Variants in YME1L1 observed in about 807,000 individuals in gnomAD.
YME1L1 encodes YME1 like 1 ATPase.
In YME1L1, 39 loss-of-function variants were observed where a neutral mutation model predicts 90.4. That is an observed-to-expected ratio of 0.43 (90% CI 0.33 to 0.56). The LOEUF (loss-of-function observed/expected upper bound fraction) is 0.56. Among genes scored for constraint, YME1L1 ranks in the 20% least tolerant of loss-of-function variants. The pLI, the probability that YME1L1 is intolerant of heterozygous loss-of-function variation, is 0.03. For missense variants in YME1L1, 617 were observed against 868.4 expected (o/e 0.71, Z 3.64); for synonymous variants, 284 against 287.3 (o/e 0.99, Z 0.12).
chr10:27,126,775 A>G lies in YME1L1; in HGVS notation c.870T>C (p.Ala290=), dbSNP rs779658355. 3.8e-6 allele frequency: 6 copies of G among 1,586,242 alleles called. 1 individual carries two copies. The South Asian group carries it at 7.1e-5, about 19-fold the overall frequency. The change falls in exon 9 of 19, where the codon GCT becomes GCC. Residue 290 remains alanine (A), a synonymous_variant. Coordinates refer to ENST00000376016, the MANE Select transcript of YME1L1 (RefSeq NM_014263.4). ...TFEHVKGVEE[A]KQELQEVVEF... ...CAACAACTTCCTGTAATTCTTGTTT[A>G]GCTTCCTCCACCTAAAGTGACACAA...
rs528414852 is a variant in YME1L1 at position 27,135,821 on chromosome 10, G to A, written c.540+455C>T. On this transcript the variant is annotated intron_variant, in intron 5 of 18. Coordinates refer to ENST00000376016, the MANE Select transcript of YME1L1 (RefSeq NM_014263.4). ...TGGCAGTCTGGAGGCTGGACTGAACGCAGCAAGACTAGAGGCAAGGAGACT... is the reference window on the plus strand; with the variant it reads ...TGGCAGTCTGGAGGCTGGACTGAACACAGCAAGACTAGAGGCAAGGAGACT... 4.6e-5 allele frequency among the ~76,000 whole-genome samples: 7 copies of A among 152,262 alleles called. No individual in the cohort carries two copies. The South Asian group carries it at 6.2e-4, about 14-fold the overall frequency.
chr10:27,145,537 A>G lies in YME1L1; in HGVS notation c.222T>C (p.Ile74=). 1 of 1,613,656 alleles carries G rather than the reference A, an allele frequency of 6.2e-7. No individual in the cohort carries two copies. The highest frequency in any genetic ancestry group is 1.1e-5 in the South Asian group (1 of 91,050). The part of the protein sequence containing the change: ...LGLSELKIGQ[I]DQLVENLLPG... Reference sequence around the variant, plus strand: ...GAAGTAGATTTTCTACCAGCTGATCAATCTGTCCAATTTTTAGTTCAGATA... The same window carrying G: ...GAAGTAGATTTTCTACCAGCTGATCGATCTGTCCAATTTTTAGTTCAGATA... Residue 74 remains isoleucine (I), a synonymous_variant, in exon 3 of 19, where the codon ATT becomes ATC. Transcript: ENST00000376016.
chr10:27,127,443 C>T (rs902535998), intron 8 of YME1L1, among the ~76,000 whole-genome samples: 4 of 152,048 alleles, frequency 2.6e-5, no homozygotes, highest in Admixed American at 6.5e-5. Flanking sequence ...TAAAAATAGT[C>T]ACACCAGCTG....
rs1564472408 is a variant in YME1L1, at chr10:27,153,196, TAAGAG to T, written c.33+977_33+981del. On this transcript the variant is annotated intron_variant, in intron 1 of 18. Coordinates refer to ENST00000376016, the MANE Select transcript of YME1L1 (RefSeq NM_014263.4). ...ACTCATATTTACTTCATATCAATAT[TAAGAG>T]AAGATTCCACATTTGCTTTGCTCAC... 6.4e-6 allele frequency: 3 copies of T among 470,918 alleles called. No homozygotes were observed. The Admixed American group carries it at 7.0e-5, about 11-fold the overall frequency. The allele number at this position is 470,918 out of a possible 1,614,324, so 29.2% of individuals were successfully genotyped here. A position where few individuals can be genotyped will look rare whatever the true frequency, so the allele number is the denominator to read the frequency against.
intron 6 of YME1L1, 80 bp from the exon 7 acceptor site, chr10:27,134,202 T>C: frequency 3.7e-6 from 4 of 1,075,356 alleles, no homozygotes; most frequent in Non-Finnish European, 5.5e-6. Flanking sequence ...TATTAGGTTA[T>C]TGTTAATAAT....
intron 3 of YME1L1, 75 bp from the exon 4 acceptor site, chr10:27,142,560 T>C (rs1459912661): frequency 1.3e-5 from 8 of 618,404 alleles, no homozygotes; most frequent in Non-Finnish European, 2.1e-5. Flanking sequence ...ATATAAATAA[T>C]TCTATCAAAT....
chr10:27,116,464 C>A, intron 15 of YME1L1, 119 bp from the exon 16 acceptor site: 3 of 1,044,948 alleles, frequency 2.9e-6, no homozygotes, highest in Non-Finnish European at 1.4e-6. Context: ...GTTGGGAGTT[C>A]GAGACCAGCC....
intron 4 of YME1L1, among the ~76,000 whole-genome samples, chr10:27,137,599 C>T (rs896926065): frequency 4.6e-5 from 7 of 151,994 alleles, no homozygotes; most frequent in Non-Finnish European, 7.4e-5. Context: ...ATATCCTTGC[C>T]GACACTAAAT....
intron 14 of YME1L1, among the ~76,000 whole-genome samples, chr10:27,118,152 T>C (rs1324685789): frequency 6.6e-6 from 1 of 152,156 alleles, no homozygotes; most frequent in African/African-American, 2.4e-5. Context: ...AACAAAAAAC[T>C]CATTCTCCTT....
chr10:27,131,796 G>C, intron 8 of YME1L1, 63 bp downstream of exon 8: 1 of 1,214,912 alleles, frequency 8.2e-7, no homozygotes, highest in South Asian at 1.4e-5. Flanking sequence ...ATCAAATATC[G>C]ACCTCATATA....
At chr10:27,152,339 C>G (rs1185410731) in intron 1 of YME1L1, among the ~76,000 whole-genome samples, 2 of 152,048 alleles carry the variant, frequency 1.3e-5, no homozygotes, top group East Asian at 1.9e-4. Flanking sequence ...TCCTTTTTAC[C>G]ATTTAATTTC....
intron 3 of YME1L1, 127 bp downstream of exon 3, chr10:27,145,300 AC>A (rs2057131789): frequency 1.5e-4 from 105 of 694,832 alleles, no homozygotes; most frequent in East Asian, 4.5e-4. Context: ...AAAAAAAAAA[AC>A]AAAAAAAAAA....
chr10:27,134,140 A>C lies in YME1L1; in HGVS notation c.692-18T>G. 1 of 1,568,180 alleles carries C rather than the reference A, an allele frequency of 6.4e-7. No homozygotes were observed. The highest frequency in any genetic ancestry group is 8.7e-7 in the Non-Finnish European group (1 of 1,146,682). On this transcript the variant is annotated intron_variant, in intron 6 of 18. Coordinates refer to ENST00000376016, the MANE Select transcript of YME1L1 (RefSeq NM_014263.4). ...TAGGGAATCTAGGAGAGAAAGAAAA[A>C]GCTTTACATGAAATCACATTTATGA...
Position 27,142,404 on chromosome 10 carries a change from T to C in YME1L1, c.413A>G (p.Asp138Gly), listed in dbSNP as rs1319766814. The C allele has an allele frequency of 3.3e-6, 5 of 1,507,644 alleles. No homozygotes were observed. Among genetic ancestry groups the C allele is most frequent in the African/African-American group, 1.4e-5 (1 of 70,292 alleles). 93.4% of individuals were successfully genotyped at this position (1,507,644 alleles called of 1,614,324 possible). A position where few individuals can be genotyped will look rare whatever the true frequency, so the allele number is the denominator to read the frequency against. ...HSRALQSICS[D>G]LQYWPVFIQS... ...CTTCATACCTGGCCAGTACTGAAGA[T>C]CTGAACAAATGCTTTGAAGAGCTCT... Residue 138 changes from aspartate to glycine, a missense_variant, in exon 4 of 19, where the codon GAT becomes GGT. By Grantham distance (94) the Asp-to-Gly change is moderately conservative (BLOSUM62 -1). Around this residue, in one of 4 missense-constraint regions of YME1L1, gnomAD observed 311 missense variants for 335.8 expected, o/e 0.93. Transcript: ENST00000376016.
At chr10:27,138,435 G>T (rs544791343) in intron 4 of YME1L1, among the ~76,000 whole-genome samples, 268 of 152,174 alleles carry the variant, frequency 1.8e-3, no homozygotes, top group African/African-American at 6.3e-3. Flanking sequence ...GTAATACCTA[G>T]TTCTTCCAAA....
rs2056812608 is a variant in YME1L1, at chr10:27,116,337, C to T, written c.1728G>A (p.Leu576=). The T allele has an allele frequency of 1.9e-6, 3 of 1,614,010 alleles. No homozygotes were observed. Among genetic ancestry groups the T allele is most frequent in the Non-Finnish European group, 2.5e-6 (3 of 1,179,998 alleles). ...PRGPTLGHVS[L]LPENDRWNET... The stretch of plus-strand genomic sequence containing the variant: ...CATTCCATCTGTCATTCTCAGGTAA[C>T]AGGGACACCTAGACAATTAAAAATT... The change falls in exon 16 of 19, where the codon CTG becomes CTA. Residue 576 remains leucine, a synonymous_variant. Coordinates refer to ENST00000376016, the MANE Select transcript of YME1L1 (RefSeq NM_014263.4).
At chr10:27,135,043 T>C (rs1449330105) in intron 5 of YME1L1, 62 bp from the exon 6 acceptor site, 2 of 1,483,350 alleles carry the variant, frequency 1.3e-6, no homozygotes, top group Admixed American at 4.2e-5. Context: ...CCAACAATAT[T>C]GTGACCACTC....
chr10:27,139,698 G>A (rs1588608226), intron 4 of YME1L1, among the ~76,000 whole-genome samples: 1 of 152,172 alleles, frequency 6.6e-6, no homozygotes, highest in East Asian at 1.9e-4. Flanking sequence ...GGTTAACTTT[G>A]TTAATTAATT....
rs780243843 is a variant in YME1L1 at position 27,134,920 on chromosome 10, T to C, written c.602A>G (p.Lys201Arg). ...ATCTTGGTGAGCTTCAGGTATATTT[T>C]TGGTTTTCATGAGTTTGTCCAAACT... ...VESLDKLMKT[K>R]NIPEAHQDAF... The change falls in exon 6 of 19, where the codon AAA becomes AGA. Residue 201 changes from lysine (K) to arginine (R), a missense_variant. This residue lies in a region of YME1L1 where 311 missense variants were observed against 335.8 expected (regional missense o/e 0.93). Coordinates refer to ENST00000376016, the MANE Select transcript of YME1L1 (RefSeq NM_014263.4). The C allele has an allele frequency of 1.2e-6, 2 of 1,613,868 alleles. No individual in the cohort carries two copies. The highest frequency in any genetic ancestry group is 2.2e-5 in the South Asian group (2 of 91,072).
Sources: gnomAD v4.1 joint callset for allele counts (sites outside exome capture counted in the v4.1 genomes callset) on GRCh38, gnomAD v4.1.1 for gene constraint, gnomAD v4.1.1 regional missense constraint, MANE v1.5 for transcripts, NCBI Gene and HGNC (gene_info 2026-07-23, HGNC 2026-07-21) for gene names.